Variants in ALK observed in about 807,000 individuals in gnomAD.
The protein encoded by ALK is ALK receptor tyrosine kinase, also known as ALK tyrosine kinase receptor.
ALK carries 74 observed loss-of-function variants against 163.1 expected under a neutral mutation model. That is an observed-to-expected ratio of 0.45 (90% CI 0.38 to 0.55). The LOEUF is 0.55. ALK is among the 20% of genes least tolerant of loss of function. The probability of loss-of-function intolerance (pLI) is 0.00; values close to 1 mark genes in which losing one functional copy is unlikely to be tolerated. For synonymous variants in ALK, 960 were observed against 843.2 expected (o/e 1.14, Z -2.40); for missense variants, 2,063 against 2,105.3 (o/e 0.98, Z 0.39).
intron 6 of ALK, among the ~76,000 whole-genome samples, chr2:29,323,206 A>T (rs1349661455): frequency 2.6e-5 from 4 of 152,258 alleles, no homozygotes; most frequent in South Asian, 4.1e-4. Flanking sequence ...GTGTGGAAAC[A>T]CTTTGTAAAC....
chr2:29,343,683 A>G (rs1057181842), intron 5 of ALK, among the ~76,000 whole-genome samples: 1 of 152,154 alleles, frequency 6.6e-6, no homozygotes, highest in Non-Finnish European at 1.5e-5. Context: ...GTGCAGGAAG[A>G]AAGTGTTAGG....
chr2:29,246,463 C>T lies in ALK; in HGVS notation c.2204+4642G>A, dbSNP rs1001483860. Among the ~76,000 whole-genome samples, 1 of 152,198 alleles carries T rather than the reference C, an allele frequency of 6.6e-6. No individual in the cohort carries two copies. Among genetic ancestry groups the T allele is most frequent in the African/African-American group, 2.4e-5 (1 of 41,434 alleles). On this transcript the variant is annotated intron_variant, in intron 12 of 28. Coordinates refer to ENST00000389048, the MANE Select transcript of ALK (RefSeq NM_004304.5). This position sits in a 1 kb window ranked among gnomAD's most constrained non-coding sequence, Gnocchi z 4.3. ...CATGGCACTGCAGTGGCCTCCCACT[C>T]TCCCATCCGCTCCAGCCACCCACCC...
intron 1 of ALK, among the ~76,000 whole-genome samples, chr2:29,773,315 G>T (rs902700805): frequency 2.6e-5 from 4 of 151,946 alleles, no homozygotes; most frequent in Non-Finnish European, 5.9e-5. Flanking sequence ...GTACCTATAA[G>T]CAATTGCTCA....
At chr2:29,603,092 T>C (rs1675423910) in intron 3 of ALK, among the ~76,000 whole-genome samples, 1 of 152,198 alleles carries the variant, frequency 6.6e-6, no homozygotes, top group Admixed American at 6.5e-5. Context: ...TCCAAAGACT[T>C]GGAATCAATA....
chr2:29,193,509 C>T lies in ALK; in HGVS notation c.4578G>A (p.Glu1526=), dbSNP rs754743349. Residue 1526 remains glutamate, a synonymous_variant, in exon 29 of 29, where the codon GAG becomes GAA. Coordinates refer to ENST00000389048, the MANE Select transcript of ALK (RefSeq NM_004304.5). ...GCCCCAGGTTACCCCTGTCGTGTGG[C>T]TCCTTCTTTGCTATAGGATTATTCT... ...TKKNNPIAKK[E]PHDRGNLGLE... The T allele has an allele frequency of 1.2e-6, 2 of 1,614,202 alleles. No homozygotes were observed. The highest frequency in any genetic ancestry group is 1.7e-6 in the Non-Finnish European group (2 of 1,180,042).
intron 4 of ALK, among the ~76,000 whole-genome samples, chr2:29,398,412 C>A (rs1351924478): frequency 6.6e-6 from 1 of 152,122 alleles, no homozygotes; most frequent in African/African-American, 2.4e-5. Flanking sequence ...CTTCCTTTAC[C>A]TGTCTCCCAA....
At chr2:29,299,726 A>G (rs1666311386) in intron 8 of ALK, among the ~76,000 whole-genome samples, 1 of 152,210 alleles carries the variant, frequency 6.6e-6, no homozygotes. Flanking sequence ...TGAATGACAT[A>G]ATTCTTAACC....
chr2:29,203,512 T>TTTTTTTTG (rs869138004), intron 26 of ALK, among the ~76,000 whole-genome samples: 2 of 127,708 alleles, frequency 1.6e-5, no homozygotes, highest in Admixed American at 8.0e-5. Flanking sequence ...TTTTTTTTTT[T>TTTTTTTTG]GTGAGACAGA....
At chr2:29,834,498 G>C (rs1665505961) in intron 1 of ALK, among the ~76,000 whole-genome samples, 1 of 152,266 alleles carries the variant, frequency 6.6e-6, no homozygotes. Flanking sequence ...AAGTAAGTAG[G>C]GTGGGAGTGA....
intron 3 of ALK, among the ~76,000 whole-genome samples, chr2:29,534,475 G>A (rs531884534): frequency 6.6e-6 from 1 of 152,190 alleles, no homozygotes; most frequent in Non-Finnish European, 1.5e-5. Flanking sequence ...TATGGCCTGG[G>A]GTTAGGATGA....
At chr2:29,800,126 G>C (rs1664431673) in intron 1 of ALK, among the ~76,000 whole-genome samples, 1 of 152,232 alleles carries the variant, frequency 6.6e-6, no homozygotes, top group Non-Finnish European at 1.5e-5. Flanking sequence ...AAAGTGAGGG[G>C]TGGAGAGGAA....
intron 2 of ALK, among the ~76,000 whole-genome samples, chr2:29,696,530 TAAAAAAAAAA>T (rs60320646): frequency 1.9e-5 from 2 of 103,850 alleles, no homozygotes; most frequent in African/African-American, 7.2e-5. Context: ...CTTAAAGGAT[TAAAAAAAAAA>T]AAAAAAAAAA....
chr2:29,626,169 G>A (rs548688541), intron 3 of ALK, among the ~76,000 whole-genome samples: 3 of 152,132 alleles, frequency 2.0e-5, no homozygotes, highest in Admixed American at 6.5e-5. Context: ...ATTTGGAGGT[G>A]GGACCCTTGG....
chr2:29,299,510 C>A (rs1031978034), intron 8 of ALK, among the ~76,000 whole-genome samples: 16 of 152,180 alleles, frequency 1.1e-4, no homozygotes, highest in Admixed American at 1.0e-3. Flanking sequence ...GTTATTTAAT[C>A]ATTTTGAAGC....
At chr2:29,649,749 T>C (rs916050550) in intron 3 of ALK, among the ~76,000 whole-genome samples, 2 of 152,142 alleles carry the variant, frequency 1.3e-5, no homozygotes, top group Non-Finnish European at 2.9e-5. Context: ...CACCTCTGCC[T>C]GGCTTGTGGA....
rs547699380 is a variant in ALK at position 29,920,839 on chromosome 2, G to C, written c.-180C>G. On this transcript the variant is annotated 5_prime_UTR_variant, in exon 1 of 29. Coordinates refer to ENST00000389048, the MANE Select transcript of ALK (RefSeq NM_004304.5). Reference sequence around the variant, plus strand: ...CCCCCAACTGCACGGAGGCGAGCAGGAGTCTAAATGAAACAGACCTGGAAG... The same window carrying C: ...CCCCCAACTGCACGGAGGCGAGCAGCAGTCTAAATGAAACAGACCTGGAAG... 14 of 618,264 alleles carry C rather than the reference G, an allele frequency of 2.3e-5. No individual in the cohort carries two copies. The highest frequency in any genetic ancestry group is 3.4e-5 in the Non-Finnish European group (12 of 354,074). The allele number at this position is 618,264 out of a possible 1,614,324, so 38.3% of individuals were successfully genotyped here.
chr2:29,564,545 T>C (rs1461700954), intron 3 of ALK, among the ~76,000 whole-genome samples: 1 of 152,140 alleles, frequency 6.6e-6, no homozygotes, highest in Non-Finnish European at 1.5e-5. Flanking sequence ...ACTGTTGTCA[T>C]TCTGAGGAGC....
chr2:29,308,615 C>T (rs1015127558), intron 8 of ALK, among the ~76,000 whole-genome samples: 9 of 152,156 alleles, frequency 5.9e-5, no homozygotes, highest in African/African-American at 2.2e-4. Flanking sequence ...CGCAAGCTTT[C>T]GTATCAGAAA....
intron 12 of ALK, among the ~76,000 whole-genome samples, chr2:29,248,195 G>T (rs952816243): frequency 3.3e-5 from 5 of 152,116 alleles, no homozygotes; most frequent in African/African-American, 1.2e-4. Context: ...ACAGTGACTG[G>T]CCGGGTGTGG....
Sources: allele counts gnomAD v4.1 joint callset (sites outside exome capture counted in the v4.1 genomes callset), GRCh38; gene constraint gnomAD v4.1.1; non-coding constraint Gnocchi (gnomAD v3.1); transcripts MANE v1.5; gene names NCBI Gene and HGNC (gene_info 2026-07-23, HGNC 2026-07-21).